CTNNA3: variants seen among roughly 807,000 people sequenced by gnomAD.
CTNNA3 encodes the protein catenin alpha 3, also known as catenin alpha-3.
In CTNNA3, 76 loss-of-function variants were observed where a neutral mutation model predicts 95.7. The observed-to-expected ratio is 0.79, with a 90% confidence interval of 0.66 to 0.96. The LOEUF (loss-of-function observed/expected upper bound fraction) is 0.96. Among genes scored for constraint, CTNNA3 ranks in the 40% least tolerant of loss-of-function variants. The pLI is 0.00. For synonymous variants in CTNNA3, 431 were observed against 374.4 expected (o/e 1.15, Z -1.74); for missense variants, 1,191 against 1,089.8 (o/e 1.09, Z -1.31).
chr10:66,999,503 C>G (rs1480707218), intron 7 of CTNNA3, among the ~76,000 whole-genome samples: 1 of 150,200 alleles, frequency 6.7e-6, no homozygotes, highest in Non-Finnish European at 1.5e-5. Flanking sequence ...GCCATAAAAT[C>G]CATTCTTCTA....
chr10:66,710,010 G>T (rs75835424), intron 9 of CTNNA3, among the ~76,000 whole-genome samples: 3,027 of 152,266 alleles, frequency 0.02, 86 homozygotes, highest in African/African-American at 0.069. Flanking sequence ...TAAATTGGAT[G>T]TGTCAATGTG....
intron 13 of CTNNA3, among the ~76,000 whole-genome samples, chr10:66,213,600 C>A (rs180908449): frequency 1.3e-5 from 2 of 152,204 alleles, no homozygotes; most frequent in African/African-American, 2.4e-5. Context: ...ATTGAAACCA[C>A]CTTGCCAATA....
At chr10:66,691,635 C>G (rs897183306) in intron 9 of CTNNA3, among the ~76,000 whole-genome samples, 2 of 152,204 alleles carry the variant, frequency 1.3e-5, no homozygotes, top group Non-Finnish European at 2.9e-5. Flanking sequence ...AGCTGGAGAT[C>G]TGAGAATGGG....
At chr10:66,346,839 C>A (rs2092525235) in intron 12 of CTNNA3, among the ~76,000 whole-genome samples, 1 of 151,792 alleles carries the variant, frequency 6.6e-6, no homozygotes, top group African/African-American at 2.4e-5. Flanking sequence ...GAGTTGTAAC[C>A]AAGTGTGAAA....
intron 2 of CTNNA3, among the ~76,000 whole-genome samples, chr10:67,630,089 A>G (rs1839091838): frequency 6.6e-6 from 1 of 152,182 alleles, no homozygotes; most frequent in Non-Finnish European, 1.5e-5. Flanking sequence ...TCACTAAGTC[A>G]GTTGCCCACC....
chr10:66,828,186 A>G (rs1472574371), intron 7 of CTNNA3, among the ~76,000 whole-genome samples: 1 of 152,244 alleles, frequency 6.6e-6, no homozygotes, highest in African/African-American at 2.4e-5. Context: ...GGTAAAAATT[A>G]TTACATAAAC....
At chr10:67,572,533 G>A (rs987813968) in intron 3 of CTNNA3, among the ~76,000 whole-genome samples, 2 of 152,150 alleles carry the variant, frequency 1.3e-5, no homozygotes, top group African/African-American at 4.8e-5. Context: ...TATTGGATTT[G>A]ATGAGACCAC....
rs1267176131 is a variant in CTNNA3 at position 65,913,734 on chromosome 10, C to T, written c.*6596G>A. The T allele has an allele frequency of 1.3e-5, 2 of 152,108 alleles. No individual in the cohort carries two copies. Among genetic ancestry groups the T allele is most frequent in the Non-Finnish European group, 2.9e-5 (2 of 67,998 alleles). The allele number at this position is 152,108 out of a possible 1,614,324, so 9.4% of individuals were successfully genotyped here. A position where few individuals can be genotyped will look rare whatever the true frequency, so the allele number is the denominator to read the frequency against. On this transcript the variant is annotated 3_prime_UTR_variant, in exon 18 of 18. Coordinates refer to ENST00000433211, the MANE Select transcript of CTNNA3 (RefSeq NM_013266.4). ...TGAGAGCAGGGGCTAGCATCTCTGA[C>T]TTACTCCTTTGCTTTACTAATAAAC...
chr10:67,724,917 G>A (rs568235579), intron 1 of CTNNA3, among the ~76,000 whole-genome samples: 3 of 152,160 alleles, frequency 2.0e-5, no homozygotes, highest in Admixed American at 6.5e-5. Flanking sequence ...CAGTGCTCAC[G>A]TAAGAATTTC....
intron 13 of CTNNA3, among the ~76,000 whole-genome samples, chr10:66,274,283 A>G (rs986276695): frequency 6.6e-6 from 1 of 152,170 alleles, no homozygotes; most frequent in South Asian, 2.1e-4. Context: ...ATGAGTCACA[A>G]TATCATATTC....
chr10:66,308,792 T>A (rs1299019246), intron 12 of CTNNA3, among the ~76,000 whole-genome samples: 1 of 152,172 alleles, frequency 6.6e-6, no homozygotes, highest in Non-Finnish European at 1.5e-5. Flanking sequence ...TATAAACATC[T>A]ATAAAAATTC....
intron 5 of CTNNA3, among the ~76,000 whole-genome samples, chr10:67,381,106 T>C (rs1843928081): frequency 6.6e-6 from 1 of 152,194 alleles, no homozygotes; most frequent in East Asian, 1.9e-4. Context: ...TTCAGAATAG[T>C]CTACAGATAT....
At chr10:66,370,871 G>A (rs1413601045) in intron 12 of CTNNA3, among the ~76,000 whole-genome samples, 2 of 151,954 alleles carry the variant, frequency 1.3e-5, no homozygotes, top group African/African-American at 2.4e-5. Context: ...CACCATGCCT[G>A]GCTAACATTT....
intron 11 of CTNNA3, among the ~76,000 whole-genome samples, chr10:66,484,829 C>T (rs748068029): frequency 9.2e-5 from 14 of 151,988 alleles, no homozygotes; most frequent in East Asian, 1.9e-4. Flanking sequence ...TAAAAATCCT[C>T]AACAAAATAC....
intron 15 of CTNNA3, among the ~76,000 whole-genome samples, chr10:66,021,852 C>CTTTTTTTTTCTTTTTTTTTTTTTTT (rs2079220288): frequency 1.3e-5 from 1 of 75,952 alleles, no homozygotes; most frequent in African/African-American, 4.9e-5. Context: ...AGGATCTTGG[C>CTTTTTTTTTCTTTTTTTTTTTTTTT]TTTTTTTTTT....
At position 66,365,510 on chromosome 10, in the gene CTNNA3, A is replaced by G. The variant is rs1589146369; in HGVS notation, c.1732+13642T>C. 2.6e-5 allele frequency among the ~76,000 whole-genome samples: 4 copies of G among 152,176 alleles called. No individual in the cohort carries two copies. In the East Asian group the frequency reaches 5.8e-4, roughly 22 times the overall value. On this transcript the variant is annotated intron_variant, in intron 12 of 17. Transcript: ENST00000433211. ...TGTAACAAAACTGCAAGTTCTGCAC[A>G]TGTAACCCAGAACTTAAAGTATAAT...
chr10:67,391,147 C>A (rs1844459234), intron 5 of CTNNA3, among the ~76,000 whole-genome samples: 2 of 152,022 alleles, frequency 1.3e-5, no homozygotes, highest in South Asian at 4.1e-4. Context: ...GATTGTATAT[C>A]TAGAAACCCC....
chr10:66,877,724 C>T (rs1197249705), intron 7 of CTNNA3, among the ~76,000 whole-genome samples: 2 of 152,070 alleles, frequency 1.3e-5, no homozygotes, highest in Non-Finnish European at 2.9e-5. Flanking sequence ...CCTTTTTATT[C>T]CATATCCTCT....
In CTNNA3 at chr10:67,052,978, CACTG is replaced by C. The variant is rs1855205240; in HGVS notation, c.1047+127335_1047+127338del. Reference sequence around the variant, plus strand: ...CCTCAAAGTATGTTCATTGTACTTACACTGACTATGTGTTTCAGTTGTAAAGAAA... The same window carrying C: ...CCTCAAAGTATGTTCATTGTACTTACACTATGTGTTTCAGTTGTAAAGAAA... On this transcript the variant is annotated intron_variant, in intron 7 of 17. Transcript: ENST00000433211. Among the ~76,000 whole-genome samples the C allele has an allele frequency of 2.0e-5, 3 of 152,304 alleles. No homozygotes were observed. The South Asian group carries it at 6.2e-4, about 32-fold the overall frequency.
Sources: gnomAD v4.1 joint callset for allele counts (sites outside exome capture counted in the v4.1 genomes callset) on GRCh38, gnomAD v4.1.1 for gene constraint, MANE v1.5 for transcripts, NCBI Gene and HGNC (gene_info 2026-07-23, HGNC 2026-07-21) for gene names.